The following KIF1B variants were observed in gnomAD, a reference collection of about 807,000 sequenced individuals.
The protein encoded by KIF1B is kinesin-like protein KIF1B.
In KIF1B, 76 loss-of-function variants were observed where a neutral mutation model predicts 241.9. That is an observed-to-expected ratio of 0.31 (90% CI 0.26 to 0.38). The LOEUF is 0.38. Ranked by LOEUF, KIF1B falls within the 10% of genes least tolerant of loss-of-function variation. The probability of loss-of-function intolerance (pLI) is 1.00; values close to 1 mark genes in which losing one functional copy is unlikely to be tolerated. For synonymous variants in KIF1B, 750 were observed against 796.7 expected (o/e 0.94, Z 0.99); for missense variants, 1,622 against 2,271.4 (o/e 0.71, Z 5.81).
chr1:10,291,262 G>C (rs1383595625), intron 16 of KIF1B, 101 bp downstream of exon 16: 1 of 905,426 alleles, frequency 1.1e-6, no homozygotes, highest in African/African-American at 1.7e-5. Flanking sequence ...CAAAGAGTCT[G>C]CCCTTCTAAA....
chr1:10,216,147 A>G (rs1646764819), intron 1 of KIF1B, among the ~76,000 whole-genome samples: 1 of 152,192 alleles, frequency 6.6e-6, no homozygotes. Flanking sequence ...AAGTACTAGT[A>G]AGTAACCACT....
chr1:10,290,762 C>T (rs1319986154), intron 15 of KIF1B, among the ~76,000 whole-genome samples: 5 of 148,800 alleles, frequency 3.4e-5, no homozygotes, highest in African/African-American at 4.9e-5. Flanking sequence ...CCCAGCTGCT[C>T]GGGAGGCTGA....
intron 39 of KIF1B, among the ~76,000 whole-genome samples, chr1:10,361,363 T>C (rs1467879491): frequency 6.6e-6 from 1 of 152,164 alleles, no homozygotes; most frequent in African/African-American, 2.4e-5. Flanking sequence ...GTAATAGTGG[T>C]TAATAGCCCA....
intron 37 of KIF1B, among the ~76,000 whole-genome samples, chr1:10,350,092 C>T (rs1010499471): frequency 1.3e-5 from 2 of 151,834 alleles, no homozygotes; most frequent in Non-Finnish European, 2.9e-5. Context: ...AGATTGAGAC[C>T]ATCCTGGCCA....
intron 27 of KIF1B, among the ~76,000 whole-genome samples, chr1:10,332,166 G>A (rs1252502971): frequency 6.6e-6 from 1 of 151,986 alleles, no homozygotes; most frequent in Non-Finnish European, 1.5e-5. Context: ...CTGGGTTCAA[G>A]CGATTCTCCT....
chr1:10,360,316 C>T (rs1374288088), intron 38 of KIF1B, among the ~76,000 whole-genome samples: 4 of 152,120 alleles, frequency 2.6e-5, no homozygotes, highest in African/African-American at 9.7e-5. Flanking sequence ...TTATCCATTT[C>T]ATCTTAATCC....
intron 1 of KIF1B, among the ~76,000 whole-genome samples, chr1:10,222,276 A>T (rs534944739): frequency 6.6e-6 from 1 of 152,294 alleles, no homozygotes. Flanking sequence ...TTGAGAAGGG[A>T]GATTGGGCTC....
chr1:10,365,345 C>T lies in KIF1B; in HGVS notation c.4513-64C>T, dbSNP rs1203008447. On this transcript the variant is annotated intron_variant, in intron 42 of 48. Transcript: ENST00000676179. The surrounding 1 kb of genome is among the most constrained non-coding windows in gnomAD (Gnocchi z 4.0). ...TGCTGCATGTGATCATAGCTTTTCA[C>T]TTTTCTCTCCTGAGGTCTTAACGAG... 1.2e-6 allele frequency: 2 copies of T among 1,613,898 alleles called. No individual in the cohort carries two copies. Among genetic ancestry groups the T allele is most frequent in the African/African-American group, 2.7e-5 (2 of 74,898 alleles).
chr1:10,356,105 C>T (rs561572287), intron 38 of KIF1B, among the ~76,000 whole-genome samples: 91 of 152,296 alleles, frequency 6.0e-4, no homozygotes, highest in East Asian at 3.3e-3. Context: ...CAGTGGCTCA[C>T]ACCTGTAATC....
chr1:10,314,452 C>G lies in KIF1B; in HGVS notation c.2116-5591C>G, dbSNP rs578195426. On this transcript the variant is annotated intron_variant, in intron 22 of 48. Transcript: ENST00000676179. ...TTGTTGTTTTTGAGATGGGGTCTCG[C>G]TGTGTCCTCCAGGCTGGAGTGGAGT... Among the ~76,000 whole-genome samples, 109 of 151,244 alleles carry G rather than the reference C, an allele frequency of 7.2e-4. 2 individuals carry two copies. Among genetic ancestry groups the G allele is most frequent in the Non-Finnish European group, 9.4e-4 (64 of 67,996 alleles).
intron 7 of KIF1B, among the ~76,000 whole-genome samples, chr1:10,269,388 G>C (rs1416631262): frequency 6.6e-6 from 1 of 151,876 alleles, no homozygotes; most frequent in African/African-American, 2.4e-5. Flanking sequence ...GGTGGCATGC[G>C]CCTGTGGTCC....
intron 7 of KIF1B, among the ~76,000 whole-genome samples, chr1:10,270,688 G>A (rs1019195335): frequency 2.6e-5 from 4 of 152,086 alleles, no homozygotes; most frequent in African/African-American, 7.2e-5. Context: ...ACCATGGGAG[G>A]CTGAGGCGGG....
chr1:10,267,663 T>A, intron 6 of KIF1B, 105 bp downstream of exon 6: 1 of 1,069,896 alleles, frequency 9.3e-7, no homozygotes, highest in Non-Finnish European at 1.4e-6. Flanking sequence ...AAAGTTGCTT[T>A]AATTGTGGAG....
intron 15 of KIF1B, among the ~76,000 whole-genome samples, chr1:10,284,936 C>T (rs1334575421): frequency 6.6e-6 from 1 of 152,058 alleles, no homozygotes; most frequent in Non-Finnish European, 1.5e-5. Context: ...GAGTGAAGTT[C>T]TGCAACACCT....
rs146353066 is a variant in KIF1B at position 10,340,683 on chromosome 1, C to T, written c.3513+824C>T. The stretch of plus-strand genomic sequence containing the variant: ...ACATGGTGAAATCCCATCTGAGACA[C>T]GAGAATTGCTTGAACCCAGGATGGG... On this transcript the variant is annotated intron_variant, in intron 32 of 48. Coordinates refer to ENST00000676179, the MANE Select transcript of KIF1B (RefSeq NM_001365951.3). Among the ~76,000 whole-genome samples, 765 of 152,086 alleles carry T rather than the reference C, an allele frequency of 5.0e-3. 7 individuals are homozygous for T. Among genetic ancestry groups the T allele is most frequent in the African/African-American group, 0.017 (715 of 41,472 alleles).
intron 44 of KIF1B, among the ~76,000 whole-genome samples, chr1:10,369,283 T>A (rs1238425024): frequency 6.6e-6 from 1 of 152,228 alleles, no homozygotes; most frequent in Non-Finnish European, 1.5e-5. Context: ...CTCTGCCATA[T>A]TATTAGAACA....
rs186377830 is a variant in KIF1B, at chr1:10,263,199, G to A, written c.429+1229G>A. On this transcript the variant is annotated intron_variant, in intron 5 of 48. Transcript: ENST00000676179. ...CTCGGGAGGCTGAGGCACGAGAATCGCTTGAACCCAGGAGGCAGAGGTTAC... is the reference window on the plus strand; with the variant it reads ...CTCGGGAGGCTGAGGCACGAGAATCACTTGAACCCAGGAGGCAGAGGTTAC... Among the ~76,000 whole-genome samples the A allele has an allele frequency of 2.0e-5, 3 of 151,656 alleles. No homozygotes were observed. In the Admixed American group the frequency reaches 2.0e-4, roughly 10 times the overall value.
rs2102369673 is a variant in KIF1B, at chr1:10,379,514, GAT to G, written c.*2928_*2929del. 1.7e-5 allele frequency: 4 copies of G among 231,864 alleles called. No homozygotes were observed. The East Asian group carries it at 2.4e-4, about 14-fold the overall frequency. 14.4% of individuals were successfully genotyped at this position (231,864 alleles called of 1,614,324 possible). On this transcript the variant is annotated 3_prime_UTR_variant, in exon 49 of 49. Coordinates refer to ENST00000676179, the MANE Select transcript of KIF1B (RefSeq NM_001365951.3). ...CCATCCCCACTGTGAGGCTGTGAGA[GAT>G]TTGTGGCAGGAACTGTTTATGAGGC...
chr1:10,271,391 C>G, intron 7 of KIF1B, 111 bp from the exon 8 acceptor site: 1 of 811,652 alleles, frequency 1.2e-6, no homozygotes, highest in Non-Finnish European at 2.2e-6. Flanking sequence ...AGCTCTAATA[C>G]TTTTAGTTTT....
Sources: gnomAD v4.1 joint callset for allele counts (sites outside exome capture counted in the v4.1 genomes callset) on GRCh38, gnomAD v4.1.1 for gene constraint, Gnocchi (gnomAD v3.1) non-coding constraint, MANE v1.5 for transcripts, NCBI Gene and HGNC (gene_info 2026-07-23, HGNC 2026-07-21) for gene names.